The following FRMD4B variants were observed in gnomAD, a reference collection of about 807,000 sequenced individuals.
FRMD4B encodes the protein FERM domain-containing protein 4B.
Under a neutral mutation model 141.5 loss-of-function variants are expected in FRMD4B, and 74 were observed. The observed-to-expected ratio is 0.52, with a 90% CI of 0.43 to 0.63. The LOEUF is 0.63. Among genes scored for constraint, FRMD4B ranks in the 30% least tolerant of loss-of-function variants. The probability of loss-of-function intolerance (pLI) is 0.00; values close to 1 mark genes in which losing one functional copy is unlikely to be tolerated. For missense variants in FRMD4B, 1,366 were observed against 1,253.4 expected (o/e 1.09, Z -1.36); for synonymous variants, 506 against 467.9 (o/e 1.08, Z -1.05).
chr3:69,385,097 G>A (rs988841177), intron 1 of FRMD4B, among the ~76,000 whole-genome samples: 5 of 151,838 alleles, frequency 3.3e-5, no homozygotes, highest in Admixed American at 2.0e-4. Context: ...CAGGCAAACT[G>A]CAGTACCAGA....
intron 1 of FRMD4B, among the ~76,000 whole-genome samples, chr3:69,343,633 G>A (rs1702825342): frequency 7.1e-6 from 1 of 140,098 alleles, no homozygotes; most frequent in Non-Finnish European, 1.5e-5. Flanking sequence ...AGGCTGAAGT[G>A]CAGTGGTGTG....
At chr3:69,307,694 G>A (rs997610938) in intron 3 of FRMD4B, among the ~76,000 whole-genome samples, 2 of 152,046 alleles carry the variant, frequency 1.3e-5, no homozygotes, top group Admixed American at 6.6e-5. Context: ...CCTTACTTAC[G>A]CACTGTCTGG....
intron 2 of FRMD4B, among the ~76,000 whole-genome samples, chr3:69,406,897 A>G (rs1026002802): frequency 7.7e-6 from 1 of 130,158 alleles, no homozygotes; most frequent in Non-Finnish European, 1.6e-5. Context: ...ACACCCAGTT[A>G]ATTTTTAATT....
intron 1 of FRMD4B, among the ~76,000 whole-genome samples, chr3:69,463,666 C>G (rs552596187): frequency 2.0e-5 from 3 of 152,318 alleles, no homozygotes; most frequent in Non-Finnish European, 2.9e-5. Context: ...TTGAGCCAGA[C>G]TGCATCTGCC....
At chr3:69,266,795 G>C (rs552506415) in intron 5 of FRMD4B, among the ~76,000 whole-genome samples, 1 of 152,264 alleles carries the variant, frequency 6.6e-6, no homozygotes, top group East Asian at 1.9e-4. Flanking sequence ...AGATCATTGG[G>C]TCAAAGACTG....
intron 2 of FRMD4B, among the ~76,000 whole-genome samples, chr3:69,399,021 C>T (rs920057396): frequency 3.3e-5 from 5 of 151,966 alleles, no homozygotes; most frequent in African/African-American, 1.2e-4. Flanking sequence ...ATTCAAGGCA[C>T]CATGGTAAAA....
At chr3:69,213,982 C>T (rs2093113358) in intron 11 of FRMD4B, among the ~76,000 whole-genome samples, 1 of 151,940 alleles carries the variant, frequency 6.6e-6, no homozygotes, top group South Asian at 2.1e-4. Context: ...TCGGCCTTAT[C>T]AATAATTTCT....
chr3:69,275,913 T>C (rs2093615812), intron 5 of FRMD4B, among the ~76,000 whole-genome samples: 1 of 152,232 alleles, frequency 6.6e-6, no homozygotes, highest in South Asian at 2.1e-4. Flanking sequence ...TACTATGCTA[T>C]ATTTTTATAT....
chr3:69,211,440 T>C (rs1369102833), intron 11 of FRMD4B, among the ~76,000 whole-genome samples: 1 of 152,064 alleles, frequency 6.6e-6, no homozygotes, highest in East Asian at 1.9e-4. Flanking sequence ...GCCATATAAA[T>C]AAAAGACTTG....
intron 11 of FRMD4B, among the ~76,000 whole-genome samples, chr3:69,210,679 G>A (rs1282386837): frequency 6.6e-6 from 1 of 152,120 alleles, no homozygotes; most frequent in African/African-American, 2.4e-5. Context: ...TAATGAATTA[G>A]GAGGTGAAAG....
chr3:69,240,482 C>CAAAAAAAAAAA (rs11344881), intron 7 of FRMD4B, among the ~76,000 whole-genome samples: 1 of 72,436 alleles, frequency 1.4e-5, no homozygotes, highest in Non-Finnish European at 2.4e-5. Flanking sequence ...GACTCTGTCT[C>CAAAAAAAAAAA]AAAAAAAAAA....
intron 1 of FRMD4B, among the ~76,000 whole-genome samples, chr3:69,530,846 A>G (rs753258154): frequency 7.2e-5 from 11 of 152,232 alleles, no homozygotes; most frequent in Non-Finnish European, 1.6e-4. Flanking sequence ...AATCAGCAAA[A>G]ATGCCTTCAG....
chr3:69,503,185 G>C, intron 1 of FRMD4B, among the ~76,000 whole-genome samples: 1 of 152,104 alleles, frequency 6.6e-6, no homozygotes, highest in South Asian at 2.1e-4. Context: ...CCATTACTGG[G>C]TATATACCCA....
Position 69,242,855 on chromosome 3 carries a change from G to A in FRMD4B, c.581+6371C>T, listed in dbSNP as rs955676890. On this transcript the variant is annotated intron_variant, in intron 7 of 22. Coordinates refer to ENST00000398540, the MANE Select transcript of FRMD4B (RefSeq NM_015123.3). The stretch of plus-strand genomic sequence containing the variant: ...TAAAAAATACAAAAATTAGCCGGGC[G>A]TGGTGGTGGGCACATGTAATCCCAG... Among the ~76,000 whole-genome samples the A allele has an allele frequency of 9.2e-5, 14 of 151,874 alleles. No individual in the cohort carries two copies. The East Asian group carries it at 2.7e-3, about 29-fold the overall frequency.
At chr3:69,532,155 T>C (rs995800737) in intron 1 of FRMD4B, among the ~76,000 whole-genome samples, 5 of 152,220 alleles carry the variant, frequency 3.3e-5, no homozygotes, top group Admixed American at 2.0e-4. Context: ...TTTAAATAAA[T>C]GCAGTTAGTT....
At chr3:69,408,586 C>T (rs753929572) in intron 2 of FRMD4B, among the ~76,000 whole-genome samples, 5 of 152,270 alleles carry the variant, frequency 3.3e-5, no homozygotes, top group Non-Finnish European at 7.3e-5. Context: ...GTGGAAAATG[C>T]TGTAAAACAG....
intron 3 of FRMD4B, among the ~76,000 whole-genome samples, chr3:69,305,373 C>T (rs1701359486): frequency 6.6e-6 from 1 of 152,162 alleles, no homozygotes; most frequent in Admixed American, 6.5e-5. Flanking sequence ...GATTAAGTAA[C>T]ACAAGGGAAG....
rs545516770 is a variant in FRMD4B, at chr3:69,501,262, A to T, written c.-129+40944T>A. Among the ~76,000 whole-genome samples, 9 of 128,142 alleles carry T rather than the reference A, an allele frequency of 7.0e-5. No individual in the cohort carries two copies. The South Asian group carries it at 1.9e-3, about 27-fold the overall frequency. The allele number at this position is 128,142 out of a possible 152,430, so 84.1% of individuals were successfully genotyped here. A position where few individuals can be genotyped will look rare whatever the true frequency, so the allele number is the denominator to read the frequency against. ...TTTTTTTTTTTTTAGCTAATCAGCT[A>T]TCCTTAGCGTTAGTATATTTTATGT... On this transcript the variant is annotated intron_variant, in intron 1 of 5. Coordinates refer to the FRMD4B transcript ENST00000459638.
intron 5 of FRMD4B, among the ~76,000 whole-genome samples, chr3:69,271,825 A>T (rs2093595718): frequency 6.6e-6 from 1 of 152,062 alleles, no homozygotes; most frequent in African/African-American, 2.4e-5. Flanking sequence ...GTACAAAAAA[A>T]TTAGCTGGGC....
Sources: gnomAD v4.1 joint callset for allele counts (sites outside exome capture counted in the v4.1 genomes callset) on GRCh38, gnomAD v4.1.1 for gene constraint, MANE v1.5 for transcripts, NCBI Gene and HGNC (gene_info 2026-07-23, HGNC 2026-07-21) for gene names.